PLCL1: variants seen among roughly 807,000 people sequenced by gnomAD.
PLCL1 encodes phospholipase C like 1 (inactive), also known as inactive phospholipase C-like protein 1.
PLCL1 carries 41 observed loss-of-function variants against 84.4 expected under a neutral mutation model. The ratio of observed to expected loss-of-function variants is 0.49; its 90% CI spans 0.38 to 0.63. The LOEUF is 0.63. Among genes scored for constraint, PLCL1 ranks in the 30% least tolerant of loss-of-function variants. The pLI is 0.00. For synonymous variants in PLCL1, 490 were observed against 488.3 expected, an observed-to-expected ratio of 1.00 and a Z score of -0.05; for missense variants, 1,206 against 1,367.8, an observed-to-expected ratio of 0.88 and a Z score of 1.87.
chr2:197,909,433 A>G (rs1688443255), intron 1 of PLCL1, among the ~76,000 whole-genome samples: 2 of 151,896 alleles, frequency 1.3e-5, no homozygotes, highest in South Asian at 4.2e-4. Flanking sequence ...GCGTGTTCTG[A>G]GAACCTCCCC....
At chr2:198,106,891 C>G (rs1434058004) in intron 5 of PLCL1, among the ~76,000 whole-genome samples, 1 of 151,784 alleles carries the variant, frequency 6.6e-6, no homozygotes, top group Non-Finnish European at 1.5e-5. Context: ...AGTCACACAG[C>G]TAGTAAACAG....
intron 1 of PLCL1, among the ~76,000 whole-genome samples, chr2:198,031,409 G>T (rs986063680): frequency 6.6e-6 from 1 of 151,646 alleles, no homozygotes; most frequent in African/African-American, 2.4e-5. Context: ...TAACTTTTGT[G>T]GTTACATAAT....
In PLCL1 at chr2:198,148,467, T is replaced by G. The variant is rs1694578899; in HGVS notation, c.*1505T>G. 2 of 152,308 alleles carry G rather than the reference T, an allele frequency of 1.3e-5. No homozygotes were observed. Among genetic ancestry groups the G allele is most frequent in the South Asian group, 4.1e-4 (2 of 4,828 alleles). 9.4% of individuals were successfully genotyped at this position (152,308 alleles called of 1,614,324 possible). ...AAGCTAATGAAAATGGGTTACTACA[T>G]CAAAAATATCTTAAAGAGTTTGCTA... On this transcript the variant is annotated 3_prime_UTR_variant, in exon 6 of 6. Coordinates refer to ENST00000428675, the MANE Select transcript of PLCL1 (RefSeq NM_006226.4).
At chr2:197,940,126 A>G (rs1197850798) in intron 1 of PLCL1, among the ~76,000 whole-genome samples, 1 of 152,162 alleles carries the variant, frequency 6.6e-6, no homozygotes, top group Admixed American at 6.5e-5. Flanking sequence ...AAAATTTTTA[A>G]TAAATGCAAG....
At chr2:197,852,727 TC>T (rs1178887367) in intron 1 of PLCL1, among the ~76,000 whole-genome samples, 3 of 152,142 alleles carry the variant, frequency 2.0e-5, no homozygotes. Context: ...TTTAAACCTC[TC>T]CTATTTTGGG....
chr2:198,086,702 A>C (rs566216972), intron 2 of PLCL1, among the ~76,000 whole-genome samples: 1 of 152,286 alleles, frequency 6.6e-6, no homozygotes, highest in East Asian at 1.9e-4. Flanking sequence ...AAACAGATAT[A>C]TTTTATGTTT....
chr2:197,871,249 C>T (rs1243299801), intron 1 of PLCL1, among the ~76,000 whole-genome samples: 1 of 152,084 alleles, frequency 6.6e-6, no homozygotes, highest in African/African-American at 2.4e-5. Flanking sequence ...TCACCCCAAA[C>T]AGATCCTGTA....
chr2:198,133,842 T>C (rs569141934), intron 5 of PLCL1, among the ~76,000 whole-genome samples: 105 of 152,320 alleles, frequency 6.9e-4, no homozygotes, highest in African/African-American at 2.4e-3. Context: ...GATTCTGGAT[T>C]TTTAAAAAAG....
chr2:198,084,725 C>T lies in PLCL1; in HGVS notation c.1208C>T (p.Pro403Leu). Reference sequence around the variant, plus strand: ...AAGGTTGCCCAAGATATGACCCAGCCATTATCTCACTACTATATCAATGCC... The same window carrying T: ...AAGGTTGCCCAAGATATGACCCAGCTATTATCTCACTACTATATCAATGCC... ...QKKVAQDMTQ[P>L]LSHYYINASH... Residue 403 changes from proline (P) to leucine (L), a missense_variant, in exon 2 of 6, where the codon CCA becomes CTA. Transcript: ENST00000428675. 1 of 1,614,028 alleles carries T rather than the reference C, an allele frequency of 6.2e-7. No homozygotes were observed. The highest frequency in any genetic ancestry group is 8.5e-7 in the Non-Finnish European group (1 of 1,179,970).
chr2:197,941,091 A>G (rs930392233), intron 1 of PLCL1, among the ~76,000 whole-genome samples: 2 of 152,206 alleles, frequency 1.3e-5, no homozygotes, highest in Admixed American at 1.3e-4. Context: ...CAAGAATTCC[A>G]AGCACTGAGA....
chr2:197,970,263 TG>T (rs530712829), intron 1 of PLCL1, among the ~76,000 whole-genome samples: 4 of 152,206 alleles, frequency 2.6e-5, no homozygotes, highest in South Asian at 4.2e-4. Flanking sequence ...AGAGAGAGCA[TG>T]GGGGCCAGGC....
chr2:198,043,337 G>A (rs1042637741), intron 1 of PLCL1, among the ~76,000 whole-genome samples: 2 of 152,192 alleles, frequency 1.3e-5, no homozygotes, highest in Non-Finnish European at 2.9e-5. Flanking sequence ...ATTGGAGGCA[G>A]GGATGACAAG....
At chr2:197,824,125 C>CA (rs1690877634) in intron 1 of PLCL1, among the ~76,000 whole-genome samples, 1 of 152,004 alleles carries the variant, frequency 6.6e-6, no homozygotes, top group Admixed American at 6.6e-5. Flanking sequence ...TATTAATGAA[C>CA]AATATATAAT....
At chr2:198,119,608 C>T (rs945733209) in intron 5 of PLCL1, among the ~76,000 whole-genome samples, 2 of 151,944 alleles carry the variant, frequency 1.3e-5, no homozygotes, top group African/African-American at 4.8e-5. Context: ...ATTGCCTTTC[C>T]AGGGAAGCCT....
intron 1 of PLCL1, among the ~76,000 whole-genome samples, chr2:197,850,070 A>G (rs1687204082): frequency 6.8e-6 from 1 of 147,444 alleles, no homozygotes; most frequent in Non-Finnish European, 1.5e-5. Flanking sequence ...ACACACACAC[A>G]CACACACACG....
intron 1 of PLCL1, among the ~76,000 whole-genome samples, chr2:197,974,617 A>G (rs1277303279): frequency 6.6e-6 from 1 of 152,240 alleles, no homozygotes; most frequent in Non-Finnish European, 1.5e-5. Context: ...CATATATGTG[A>G]AGTTCCTCTT....
At chr2:198,008,019 T>A (rs796311412) in intron 1 of PLCL1, among the ~76,000 whole-genome samples, 4 of 152,184 alleles carry the variant, frequency 2.6e-5, no homozygotes, top group African/African-American at 9.6e-5. Flanking sequence ...ATTATTTCAT[T>A]GTTTACTTTT....
chr2:197,952,513 A>C (rs1689407024), intron 1 of PLCL1, among the ~76,000 whole-genome samples: 1 of 152,166 alleles, frequency 6.6e-6, no homozygotes, highest in Non-Finnish European at 1.5e-5. Flanking sequence ...ACGTCATTAA[A>C]TTTATTGATG....
chr2:197,963,050 T>C lies in PLCL1; in HGVS notation c.241-120708T>C, dbSNP rs183475619. 2.2e-3 allele frequency among the ~76,000 whole-genome samples: 335 copies of C among 152,216 alleles called. 3 individuals are homozygous for C. The highest frequency in any genetic ancestry group is 7.5e-3 in the African/African-American group (312 of 41,550). ...TGCAGCGAACATGGGAGTACAGATA[T>C]CTCTTTGATATACTGATTTCCTTTC... is the stretch of plus-strand genomic sequence containing the variant. On this transcript the variant is annotated intron_variant, in intron 1 of 5. Transcript: ENST00000428675.
Sources: gnomAD v4.1 joint callset for allele counts (sites outside exome capture counted in the v4.1 genomes callset) on GRCh38, gnomAD v4.1.1 for gene constraint, MANE v1.5 for transcripts, NCBI Gene and HGNC (gene_info 2026-07-23, HGNC 2026-07-21) for gene names.